Variants in FBXL7 observed in about 807,000 individuals in gnomAD.
FBXL7 encodes F-box and leucine rich repeat protein 7.
Under a neutral mutation model 38.3 loss-of-function variants are expected in FBXL7, and 12 were observed. That is an observed-to-expected ratio of 0.31 (90% CI 0.20 to 0.51). FBXL7 has a LOEUF of 0.51. Among genes scored for constraint, FBXL7 ranks in the 20% least tolerant of loss-of-function variants. The probability of loss-of-function intolerance (pLI) is 0.98; values close to 1 mark genes in which losing one functional copy is unlikely to be tolerated. For synonymous variants in FBXL7, 297 were observed against 300.9 expected (o/e 0.99, Z 0.13); for missense variants, 567 against 676.4 (o/e 0.84, Z 1.79).
At chr5:15,739,250 C>T (rs1735833834) in intron 2 of FBXL7, among the ~76,000 whole-genome samples, 1 of 152,288 alleles carries the variant, frequency 6.6e-6, no homozygotes, top group Non-Finnish European at 1.5e-5. Flanking sequence ...ACCTGCAGCC[C>T]TTGATTCTGC....
Position 15,591,419 on chromosome 5 carries a change from ACT to A in FBXL7, c.38-24561_38-24560del, listed in dbSNP as rs1421767924. On this transcript the variant is annotated intron_variant, in intron 1 of 3. Transcript: ENST00000504595. ...ACTCCAGCCTGGGCAACAGAGTGAG[ACT>A]CTGTCTCAAAAAAAAAAAAAAAGAC... 8.1e-4 allele frequency among the ~76,000 whole-genome samples: 118 copies of A among 145,392 alleles called. 1 individual carries two copies. The highest frequency in any genetic ancestry group is 2.9e-3 in the African/African-American group (114 of 39,804).
In FBXL7 at chr5:15,647,796, C is replaced by G. The variant is rs376508852; in HGVS notation, c.127+31724C>G. Reference sequence around the variant, plus strand: ...GTATTTCTTTGTCTTTACTACAACTCAAGTAGGCAATAGTTTCTCATTTTA... The same window carrying G: ...GTATTTCTTTGTCTTTACTACAACTGAAGTAGGCAATAGTTTCTCATTTTA... On this transcript the variant is annotated intron_variant, in intron 2 of 3. Transcript: ENST00000504595. Among the ~76,000 whole-genome samples the G allele has an allele frequency of 2.0e-4, 30 of 152,304 alleles. No individual in the cohort carries two copies. The East Asian group carries it at 3.3e-3, about 17-fold the overall frequency.
rs185785146 is a variant in FBXL7, at chr5:15,823,707, C to T, written c.128-104183C>T. 5.3e-5 allele frequency among the ~76,000 whole-genome samples: 8 copies of T among 152,172 alleles called. No homozygotes were observed. In the South Asian group the frequency reaches 1.5e-3, roughly 28 times the overall value. On this transcript the variant is annotated intron_variant, in intron 2 of 3. Transcript: ENST00000504595. ...AGTTTCATCTGCCCTAAACCTGTGC[C>T]CTCCAGCAAGCCGTATTGATGTCTC...
chr5:15,859,015 C>T (rs1333778891), intron 2 of FBXL7, among the ~76,000 whole-genome samples: 1 of 152,118 alleles, frequency 6.6e-6, no homozygotes, highest in Non-Finnish European at 1.5e-5. Flanking sequence ...GGATCCTCTT[C>T]CTCACATTAT....
At chr5:15,777,857 C>G (rs1736897939) in intron 2 of FBXL7, among the ~76,000 whole-genome samples, 1 of 151,220 alleles carries the variant, frequency 6.6e-6, no homozygotes, top group South Asian at 2.1e-4. Flanking sequence ...AATTTATCTT[C>G]TCTCTGGCCA....
intron 1 of FBXL7, among the ~76,000 whole-genome samples, chr5:15,534,785 G>A (rs1157724210): frequency 6.6e-6 from 1 of 152,218 alleles, no homozygotes; most frequent in African/African-American, 2.4e-5. Flanking sequence ...AGCAGTGAAT[G>A]AGAGTTCTTG....
chr5:15,701,383 G>C lies in FBXL7; in HGVS notation c.127+85311G>C, dbSNP rs530280503. Among the ~76,000 whole-genome samples the C allele has an allele frequency of 2.6e-5, 4 of 152,298 alleles. No homozygotes were observed. The South Asian group carries it at 8.3e-4, about 32-fold the overall frequency. ...TTTAAGCAGAGAGTAGCATATGCAG[G>C]TCAGTCTCAGAATTTACCAGCTATT... On this transcript the variant is annotated intron_variant, in intron 2 of 3. Transcript: ENST00000504595.
At chr5:15,512,989 A>G (rs569565564) in intron 1 of FBXL7, among the ~76,000 whole-genome samples, 2 of 152,312 alleles carry the variant, frequency 1.3e-5, no homozygotes, top group Non-Finnish European at 2.9e-5. Context: ...TTTTAGATTC[A>G]TACTAATCAA....
intron 2 of FBXL7, among the ~76,000 whole-genome samples, chr5:15,886,341 C>T (rs979884682): frequency 9.2e-5 from 14 of 151,968 alleles, no homozygotes; most frequent in African/African-American, 3.4e-4. Context: ...AGAACACAGG[C>T]AGGGGAAAGG....
intron 2 of FBXL7, among the ~76,000 whole-genome samples, chr5:15,758,856 GAA>G (rs888241926): frequency 3.9e-5 from 6 of 152,140 alleles, no homozygotes; most frequent in Non-Finnish European, 7.4e-5. Flanking sequence ...GTAAGTTTTT[GAA>G]AAGTCATGCT....
intron 2 of FBXL7, among the ~76,000 whole-genome samples, chr5:15,643,513 T>C (rs1451351330): frequency 6.6e-6 from 1 of 152,198 alleles, no homozygotes; most frequent in Non-Finnish European, 1.5e-5. Context: ...CTTGCCCTCC[T>C]TTTTATCTTC....
intron 2 of FBXL7, among the ~76,000 whole-genome samples, chr5:15,700,987 T>TA (rs1004935178): frequency 1.1e-4 from 16 of 152,278 alleles, no homozygotes; most frequent in Middle Eastern, 3.4e-3. Context: ...TTTTTTTAAT[T>TA]AAAAAAATCT....
At chr5:15,680,397 A>G (rs1002132822) in intron 2 of FBXL7, among the ~76,000 whole-genome samples, 1 of 152,208 alleles carries the variant, frequency 6.6e-6, no homozygotes, top group African/African-American at 2.4e-5. Flanking sequence ...CTGAATAACT[A>G]TACTGGGCAG....
At position 15,805,181 on chromosome 5, in the gene FBXL7, A is replaced by G. The variant is rs567557995; in HGVS notation, c.128-122709A>G. Among the ~76,000 whole-genome samples the G allele has an allele frequency of 3.9e-5, 6 of 152,240 alleles. No homozygotes were observed. The South Asian group carries it at 1.0e-3, about 26-fold the overall frequency. ...CCTTACTTACCTCTTTAAAGACCCT[A>G]TCTCCAATTACAGTCACATTCTGAG... On this transcript the variant is annotated intron_variant, in intron 2 of 3. Transcript: ENST00000504595.
intron 2 of FBXL7, among the ~76,000 whole-genome samples, chr5:15,825,513 G>C (rs1216616717): frequency 3.9e-5 from 6 of 152,156 alleles, no homozygotes; most frequent in Non-Finnish European, 8.8e-5. Flanking sequence ...AGAATTGTTA[G>C]AGGTTTTCAC....
rs547814674 is a variant in FBXL7 at position 15,632,631 on chromosome 5, A to G, written c.127+16559A>G. 3.3e-4 allele frequency among the ~76,000 whole-genome samples: 50 copies of G among 152,318 alleles called. No homozygotes were observed. The South Asian group carries it at 6.8e-3, about 21-fold the overall frequency. On this transcript the variant is annotated intron_variant, in intron 2 of 3. Transcript: ENST00000504595. Reference sequence around the variant, plus strand: ...ATAGACTCAACCTAGTTGCCCATCAATGGTGGAGTGGATAAAGAAAATGTG... The same window carrying G: ...ATAGACTCAACCTAGTTGCCCATCAGTGGTGGAGTGGATAAAGAAAATGTG...
intron 2 of FBXL7, among the ~76,000 whole-genome samples, chr5:15,754,692 T>G (rs1736244961): frequency 6.6e-6 from 1 of 152,208 alleles, no homozygotes; most frequent in Non-Finnish European, 1.5e-5. Flanking sequence ...TGTATCTGTA[T>G]CTCTACTGTC....
At chr5:15,934,497 T>C (rs1182474161) in intron 3 of FBXL7, among the ~76,000 whole-genome samples, 1 of 151,828 alleles carries the variant, frequency 6.6e-6, no homozygotes, top group Non-Finnish European at 1.5e-5. Context: ...ATATAGTGTG[T>C]ATATATATAA....
chr5:15,768,091 G>A, intron 2 of FBXL7, among the ~76,000 whole-genome samples: 1 of 152,304 alleles, frequency 6.6e-6, no homozygotes, highest in East Asian at 1.9e-4. Context: ...TCAGCAGCAG[G>A]AATGGTTGTT....
Sources: allele counts gnomAD v4.1 joint callset (sites outside exome capture counted in the v4.1 genomes callset), GRCh38; gene constraint gnomAD v4.1.1; transcripts MANE v1.5; gene names NCBI Gene and HGNC (gene_info 2026-07-23, HGNC 2026-07-21).